The following MLLT3 variants were observed in gnomAD, a reference collection of about 807,000 sequenced individuals.
MLLT3 encodes the protein protein AF-9.
Under a neutral mutation model 53.2 loss-of-function variants are expected in MLLT3, and 4 were observed. The ratio of observed to expected loss-of-function variants is 0.08; its 90% confidence interval spans 0.04 to 0.17. The LOEUF (loss-of-function observed/expected upper bound fraction) is 0.17. Among genes scored for constraint, MLLT3 ranks in the 10% least tolerant of loss-of-function variants. The pLI is 1.00. For synonymous variants in MLLT3, 283 were observed against 230.6 expected (o/e 1.23, Z -2.06); for missense variants, 569 against 684.0 (o/e 0.83, Z 1.87).
At chr9:20,429,780 C>T (rs1349108135) in intron 4 of MLLT3, among the ~76,000 whole-genome samples, 1 of 152,168 alleles carries the variant, frequency 6.6e-6, no homozygotes, top group African/African-American at 2.4e-5. Flanking sequence ...ACAAACATGA[C>T]TAGGAGATAA....
intron 2 of MLLT3, among the ~76,000 whole-genome samples, chr9:20,593,759 A>G (rs1405852091): frequency 6.6e-6 from 1 of 152,196 alleles, no homozygotes; most frequent in Non-Finnish European, 1.5e-5. Context: ...AATTCTGGGC[A>G]CGTACTGGAA....
chr9:20,621,755 G>A lies in MLLT3; in HGVS notation c.12+490C>T, dbSNP rs1330595029. 1.3e-6 allele frequency: 2 copies of A among 1,488,344 alleles called. No homozygotes were observed. Among genetic ancestry groups the A allele is most frequent in the East Asian group, 2.9e-5 (1 of 35,022 alleles). The allele number at this position is 1,488,344 out of a possible 1,614,324, so 92.2% of individuals were successfully genotyped here. A position where few individuals can be genotyped will look rare whatever the true frequency, so the allele number is the denominator to read the frequency against. On this transcript the variant is annotated intron_variant, in intron 1 of 10. Transcript: ENST00000380338. This position sits in a 1 kb window ranked among gnomAD's most constrained non-coding sequence, Gnocchi z 7.0. ...CCCGCACACTTCGGCTCACACACGC[G>A]CGCCGCGGAGAACGCACCATCGTAG... is the stretch of plus-strand genomic sequence containing the variant.
chr9:20,412,901 T>C (rs1185554661), intron 5 of MLLT3, among the ~76,000 whole-genome samples: 1 of 152,200 alleles, frequency 6.6e-6, no homozygotes, highest in African/African-American at 2.4e-5. Flanking sequence ...GAGGTTAAAA[T>C]AGATAATCTG....
chr9:20,559,247 GAGAGC>G (rs1819139454), intron 2 of MLLT3, among the ~76,000 whole-genome samples: 1 of 152,160 alleles, frequency 6.6e-6, no homozygotes. Context: ...TGTTCCTAAA[GAGAGC>G]AAAGGATACT....
At chr9:20,443,616 G>C (rs1051996477) in intron 4 of MLLT3, among the ~76,000 whole-genome samples, 7 of 152,142 alleles carry the variant, frequency 4.6e-5, no homozygotes, top group African/African-American at 1.7e-4. Flanking sequence ...ACACTAACTT[G>C]GTGGTAAACA....
At chr9:20,547,454 G>A (rs1355684649) in intron 2 of MLLT3, among the ~76,000 whole-genome samples, 1 of 151,730 alleles carries the variant, frequency 6.6e-6, no homozygotes, top group Non-Finnish European at 1.5e-5. Flanking sequence ...AACCAGCCCG[G>A]CCAACATGAT....
chr9:20,431,850 A>T (rs1823278982), intron 4 of MLLT3, among the ~76,000 whole-genome samples: 1 of 152,208 alleles, frequency 6.6e-6, no homozygotes, highest in South Asian at 2.1e-4. Context: ...CTGAATAAAT[A>T]AAGCAAGTCA....
chr9:20,504,725 G>A (rs1825343849), intron 2 of MLLT3, among the ~76,000 whole-genome samples: 1 of 151,950 alleles, frequency 6.6e-6, no homozygotes, highest in Admixed American at 6.6e-5. Flanking sequence ...ACATTAAGGG[G>A]ATTTTAAGTC....
chr9:20,458,814 G>A lies in MLLT3; in HGVS notation c.194-2028C>T, dbSNP rs999890375. ...CCTGAATGGGTAAGCACAGTGATGTGTGTAAAAGATGCAGCACAGGGCCTG... is the reference window on the plus strand; with the variant it reads ...CCTGAATGGGTAAGCACAGTGATGTATGTAAAAGATGCAGCACAGGGCCTG... On this transcript the variant is annotated intron_variant, in intron 2 of 10. Transcript: ENST00000380338. 2.0e-5 allele frequency among the ~76,000 whole-genome samples: 3 copies of A among 152,304 alleles called. No individual in the cohort carries two copies. The South Asian group carries it at 6.2e-4, about 32-fold the overall frequency.
intron 2 of MLLT3, among the ~76,000 whole-genome samples, chr9:20,497,618 T>G (rs1465636925): frequency 6.6e-6 from 1 of 152,176 alleles, no homozygotes; most frequent in Non-Finnish European, 1.5e-5. Context: ...TCACCCATGG[T>G]GTTGGGTATC....
chr9:20,400,851 G>A (rs181952178), intron 5 of MLLT3, among the ~76,000 whole-genome samples: 1 of 152,214 alleles, frequency 6.6e-6, no homozygotes, highest in African/African-American at 2.4e-5. Flanking sequence ...TTTTGAAAGT[G>A]ACCCATAACA....
chr9:20,530,228 T>C (rs562013903), intron 2 of MLLT3, among the ~76,000 whole-genome samples: 1 of 152,288 alleles, frequency 6.6e-6, no homozygotes, highest in African/African-American at 2.4e-5. Flanking sequence ...TGAAGGAAGA[T>C]TAGACCAGGA....
At chr9:20,408,875 T>G (rs1822654079) in intron 5 of MLLT3, among the ~76,000 whole-genome samples, 1 of 152,138 alleles carries the variant, frequency 6.6e-6, no homozygotes, top group African/African-American at 2.4e-5. Flanking sequence ...GGGAAGTTTT[T>G]TTTTTCCTTC....
In MLLT3 at chr9:20,576,933, G is replaced by A. The variant is rs1340189889; in HGVS notation, c.193+43721C>T. 2.0e-5 allele frequency among the ~76,000 whole-genome samples: 3 copies of A among 152,090 alleles called. No homozygotes were observed. The South Asian group carries it at 6.2e-4, about 32-fold the overall frequency. ...AGTCATGAGAATCACCTGAGCCCAC[G>A]AGTTTGGGACCAGTCTGGGCAATAT... On this transcript the variant is annotated intron_variant, in intron 2 of 10. Coordinates refer to ENST00000380338, the MANE Select transcript of MLLT3 (RefSeq NM_004529.4).
At chr9:20,435,335 C>T (rs1823375423) in intron 4 of MLLT3, among the ~76,000 whole-genome samples, 2 of 152,106 alleles carry the variant, frequency 1.3e-5, no homozygotes, top group Admixed American at 6.5e-5. Flanking sequence ...CTCACCACCA[C>T]ACCCAGTGTT....
intron 5 of MLLT3, among the ~76,000 whole-genome samples, chr9:20,383,885 T>A (rs1316942738): frequency 1.3e-5 from 2 of 151,880 alleles, no homozygotes; most frequent in Non-Finnish European, 2.9e-5. Flanking sequence ...ACAAACAGAA[T>A]AAACAAAGAT....
intron 4 of MLLT3, among the ~76,000 whole-genome samples, chr9:20,444,693 G>GA (rs1455218032): frequency 6.6e-6 from 1 of 150,502 alleles, no homozygotes; most frequent in Non-Finnish European, 1.5e-5. Context: ...GGCAACATGG[G>GA]AAAACCTGTC....
In MLLT3 at chr9:20,621,664, C is replaced by A. The variant is rs980494508; in HGVS notation, c.12+581G>T. 6 of 1,120,898 alleles carry A rather than the reference C, an allele frequency of 5.4e-6. No individual in the cohort carries two copies. In the African/African-American group the frequency reaches 1.0e-4, roughly 19 times the overall value. 69.4% of individuals were successfully genotyped at this position (1,120,898 alleles called of 1,614,324 possible). On this transcript the variant is annotated intron_variant, in intron 1 of 10. Transcript: ENST00000380338. The surrounding 1 kb of genome is among the most constrained non-coding windows in gnomAD (Gnocchi z 7.0). The stretch of plus-strand genomic sequence containing the variant: ...GGGCGGCGGGCGGACAGCCGCCGAG[C>A]CTCGGCTCGCGCTCAGCACCTCCCG...
intron 2 of MLLT3, among the ~76,000 whole-genome samples, chr9:20,514,952 T>C (rs1817868598): frequency 6.9e-6 from 1 of 145,260 alleles, no homozygotes; most frequent in Admixed American, 6.8e-5. Context: ...TTTTTTTTTT[T>C]TTTTTTTTTT....
Sources: gnomAD v4.1 joint callset for allele counts (sites outside exome capture counted in the v4.1 genomes callset) on GRCh38, gnomAD v4.1.1 for gene constraint, Gnocchi (gnomAD v3.1) non-coding constraint, MANE v1.5 for transcripts, NCBI Gene and HGNC (gene_info 2026-07-23, HGNC 2026-07-21) for gene names.